UBAP2: variants seen among roughly 807,000 people sequenced by gnomAD.
UBAP2 encodes the protein ubiquitin associated protein 2.
Under a neutral mutation model 139.6 loss-of-function variants are expected in UBAP2, and 75 were observed. The observed-to-expected ratio is 0.54, with a 90% confidence interval of 0.45 to 0.65. UBAP2 has a LOEUF of 0.65. UBAP2 is among the 30% of genes least tolerant of loss of function. The pLI is 0.00. For missense variants in UBAP2, 1,368 were observed against 1,369.6 expected, an observed-to-expected ratio of 1.00 and a Z score of 0.02; for synonymous variants, 526 against 526.2, an observed-to-expected ratio of 1.00 and a Z score of 0.01.
rs549248523 is a variant in UBAP2 at position 33,961,571 on chromosome 9, G to A, written c.746-693C>T. On this transcript the variant is annotated intron_variant, in intron 9 of 28. Coordinates refer to ENST00000379238, the MANE Select transcript of UBAP2 (RefSeq NM_001370062.2). ...TACTTACAGATCTTATATAAGTAGA[G>A]GGCCATTGTTTACAGCATGTATGAA... Among the ~76,000 whole-genome samples, 38 of 152,184 alleles carry A rather than the reference G, an allele frequency of 2.5e-4. 1 individual carries two copies. The South Asian group carries it at 7.2e-3, about 29-fold the overall frequency.
chr9:33,934,638 T>C (rs1470633481), intron 17 of UBAP2, among the ~76,000 whole-genome samples: 2 of 152,108 alleles, frequency 1.3e-5, no homozygotes, highest in East Asian at 3.9e-4. Flanking sequence ...TGTATTATGA[T>C]GCTAACAGCT....
chr9:34,002,259 C>A (rs145893207), intron 2 of UBAP2, among the ~76,000 whole-genome samples: 1 of 152,108 alleles, frequency 6.6e-6, no homozygotes, highest in East Asian at 1.9e-4. Flanking sequence ...TGGCTATTTT[C>A]CTCTTTTATC....
At chr9:33,936,735 A>G (rs1587522807) in intron 16 of UBAP2, among the ~76,000 whole-genome samples, 1 of 152,156 alleles carries the variant, frequency 6.6e-6, no homozygotes, top group African/African-American at 2.4e-5. Flanking sequence ...AAAGAAATAC[A>G]TTGAAGTTTT....
rs1564022128 is a variant in UBAP2 at position 33,939,877 on chromosome 9, GAGGAGGAGGAGGA to G, written c.1929+1759_1929+1771del. Among the ~76,000 whole-genome samples the G allele has an allele frequency of 1.2e-3, 19 of 15,802 alleles. 2 individuals carry two copies. The highest frequency in any genetic ancestry group is 2.3e-3 in the Non-Finnish European group (15 of 6,518). 10.4% of individuals were successfully genotyped at this position (15,802 alleles called of 152,430 possible). A position where few individuals can be genotyped will look rare whatever the true frequency, so the allele number is the denominator to read the frequency against. ...GGGAGGGGGAGGAGGAGGAGGAGGG[GAGGAGGAGGAGGA>G]GGGGAGGAGGAGGAGGATGGGGAGG... On this transcript the variant is annotated intron_variant, in intron 16 of 28. Coordinates refer to ENST00000379238, the MANE Select transcript of UBAP2 (RefSeq NM_001370062.2).
At chr9:33,973,291 T>A in intron 6 of UBAP2, 54 bp from the exon 7 acceptor site, 1 of 1,554,762 alleles carries the variant, frequency 6.4e-7, no homozygotes, top group Non-Finnish European at 8.9e-7. Context: ...CCTACACAAT[T>A]ACACTTCCTT....
At chr9:33,962,826 G>C (rs890193939) in intron 9 of UBAP2, among the ~76,000 whole-genome samples, 4 of 150,300 alleles carry the variant, frequency 2.7e-5, no homozygotes, top group Non-Finnish European at 5.9e-5. Flanking sequence ...AAAATACAAA[G>C]AATTAGTCAG....
At chr9:34,029,561 C>G (rs1825709193) in intron 1 of UBAP2, among the ~76,000 whole-genome samples, 1 of 151,550 alleles carries the variant, frequency 6.6e-6, no homozygotes, top group Non-Finnish European at 1.5e-5. Context: ...ATAGGCCAGG[C>G]CCAGTGGTTC....
chr9:33,928,732 T>C (rs1446407954), intron 19 of UBAP2: 3 of 151,948 alleles, frequency 2.0e-5, no homozygotes, highest in African/African-American at 7.3e-5. Context: ...AGCAGGTAGG[T>C]GGGGGGCACA....
At chr9:33,973,326 A>G (rs307682) in intron 6 of UBAP2, 89 bp from the exon 7 acceptor site, 250,522 of 1,371,526 alleles carry the variant, frequency 0.18, 25,101 homozygotes, top group South Asian at 0.35. Context: ...CACTACCCAG[A>G]CAATATTATC....
chr9:34,019,721 A>G lies in UBAP2; in HGVS notation c.-41-2532T>C, dbSNP rs551189232. 5.1e-3 allele frequency among the ~76,000 whole-genome samples: 769 copies of G among 151,240 alleles called. 3 individuals are homozygous for G. The highest frequency in any genetic ancestry group is 6.9e-3 in the Non-Finnish European group (467 of 67,894). The stretch of plus-strand genomic sequence containing the variant: ...CACACACACACACACACACACACAC[A>G]CACGCACAGAAAAACATGTAGCAAT... On this transcript the variant is annotated intron_variant, in intron 1 of 28. Coordinates refer to ENST00000379238, the MANE Select transcript of UBAP2 (RefSeq NM_001370062.2).
At chr9:34,018,478 A>T (rs1392223343) in intron 1 of UBAP2, among the ~76,000 whole-genome samples, 1 of 152,134 alleles carries the variant, frequency 6.6e-6, no homozygotes, top group Non-Finnish European at 1.5e-5. Flanking sequence ...AAACTAAATT[A>T]CCATATGATC....
chr9:33,935,172 G>C (rs917738496), intron 17 of UBAP2: 5 of 142,056 alleles, frequency 3.5e-5, no homozygotes, highest in African/African-American at 1.0e-4. Context: ...GCGGGGGGGG[G>C]GGGTCTCATT....
intron 11 of UBAP2, 117 bp from the exon 12 acceptor site, chr9:33,953,591 T>G (rs1198139164): frequency 9.0e-7 from 1 of 1,110,016 alleles, no homozygotes; most frequent in African/African-American, 1.6e-5. Context: ...AGGAGAACCT[T>G]TGGAAAATGG....
intron 1 of UBAP2, among the ~76,000 whole-genome samples, chr9:34,047,783 C>T (rs1295794580): frequency 1.3e-5 from 2 of 152,202 alleles, no homozygotes; most frequent in Non-Finnish European, 2.9e-5. Flanking sequence ...AGCTGGAGGC[C>T]AGCCTGGGCA....
chr9:34,018,125 C>T (rs1409353885), intron 1 of UBAP2, among the ~76,000 whole-genome samples: 1 of 150,590 alleles, frequency 6.6e-6, no homozygotes, highest in Admixed American at 6.6e-5. Flanking sequence ...AGTTTGAGAC[C>T]AGCCTAGACA....
At chr9:33,996,379 C>T (rs973377229) in intron 3 of UBAP2, 46 bp from the exon 4 acceptor site, 4 of 1,269,384 alleles carry the variant, frequency 3.2e-6, no homozygotes, top group Admixed American at 1.7e-5. Flanking sequence ...AAAAAACTGG[C>T]ACTTGATATT....
At chr9:33,937,599 CAA>C (rs1185167927) in intron 16 of UBAP2, among the ~76,000 whole-genome samples, 175 of 85,478 alleles carry the variant, frequency 2.0e-3, no homozygotes, top group South Asian at 7.0e-3. Context: ...GACTCTGTCT[CAA>C]AAAAAAAAAA....
At chr9:33,930,895 CA>C (rs57202118) in intron 19 of UBAP2, among the ~76,000 whole-genome samples, 19,168 of 71,228 alleles carry the variant, frequency 0.27, 675 homozygotes, top group East Asian at 0.37. Flanking sequence ...GACTGCATCT[CA>C]AAAAAAAAAA....
Position 33,971,738 on chromosome 9 carries a change from C to T in UBAP2, c.592G>A (p.Asp198Asn), listed in dbSNP as rs757646025. Residue 198 changes from aspartate to asparagine, a missense_variant, in exon 8 of 29, where the codon GAC becomes AAC. Transcript: ENST00000379238. ...TCTGTAGATGTAGAATCTGAATAGT[C>T]TGCAGGATTAAATGTCCTGGGGTTT... The part of the protein sequence containing the change: ...TQGMGTFNPA[D>N]YSDSTSTDVC... 3.7e-6 allele frequency: 6 copies of T among 1,607,554 alleles called. No individual in the cohort carries two copies. In the Admixed American group the frequency reaches 8.3e-5, roughly 22 times the overall value.
Sources: allele counts gnomAD v4.1 joint callset (sites outside exome capture counted in the v4.1 genomes callset), GRCh38; gene constraint gnomAD v4.1.1; transcripts MANE v1.5; gene names NCBI Gene and HGNC (gene_info 2026-07-23, HGNC 2026-07-21).